ANKAR: variants seen among roughly 807,000 people sequenced by gnomAD.
ANKAR encodes ankyrin and armadillo repeat-containing protein.
A neutral mutation model predicts 146.2 loss-of-function variants in ANKAR; 136 were observed. The ratio of observed to expected loss-of-function variants is 0.93; its 90% CI spans 0.81 to 1.07. The LOEUF is 1.07. Among genes scored for constraint, ANKAR ranks in the 50% least tolerant of loss-of-function variants. ANKAR has a pLI of 0.00. For missense variants in ANKAR, 1,567 were observed against 1,679.9 expected (o/e 0.93, Z 1.18); for synonymous variants, 500 against 575.8 (o/e 0.87, Z 1.88).
rs574857437 is a variant in ANKAR, at chr2:189,677,677, T to C, written c.601+586T>C. The stretch of plus-strand genomic sequence containing the variant: ...GTATATATATTTTCTTTCTTTCTTT[T>C]TTTTTTTTTCTTTTTTGGAGATGGG... On this transcript the variant is annotated intron_variant, in intron 2 of 22. Transcript: ENST00000684021. 2.7e-4 allele frequency among the ~76,000 whole-genome samples: 41 copies of C among 151,816 alleles called. 1 individual carries two copies. Among genetic ancestry groups the C allele is most frequent in the Non-Finnish European group, 4.3e-4 (29 of 67,948 alleles).
intron 7 of ANKAR, among the ~76,000 whole-genome samples, chr2:189,703,134 TGTAGCTG>T (rs2038330117): frequency 6.6e-6 from 1 of 152,210 alleles, no homozygotes; most frequent in Non-Finnish European, 1.5e-5. Flanking sequence ...AGAAGGTAGT[TGTAGCTG>T]GTGCTTCAAG....
At position 189,706,939 on chromosome 2, in the gene ANKAR, A is replaced by C; in HGVS notation, c.1912A>C (p.Asn638His). ...ATTGTTATGTTTCTTAATTTTTAGG[A>C]ATCAGTGCACTCCACTGTTACTTGC... ...SLLEAEATAENQCTPLLLAAT... is the reference protein window; with the variant it reads ...SLLEAEATAEHQCTPLLLAAT... Residue 638 changes from asparagine (N) to histidine (H), a missense_variant and splice_region_variant, in exon 9 of 23, where the codon AAT becomes CAT. Transcript: ENST00000684021. 2 of 1,599,336 alleles carry C rather than the reference A, an allele frequency of 1.3e-6. No individual in the cohort carries two copies. Among genetic ancestry groups the C allele is most frequent in the Non-Finnish European group, 1.7e-6 (2 of 1,175,310 alleles).
At chr2:189,749,244 T>TTA (rs757098359), downstream of ANKAR, among the ~76,000 whole-genome samples, 3 of 63,254 alleles carry the variant, frequency 4.7e-5, no homozygotes, top group African/African-American at 1.3e-4. Context: ...AGACTCTGTC[T>TTA]AAAAAAAAAA....
chr2:189,699,568 T>TATGTCATTCATTTCATAA (rs550353669), intron 7 of ANKAR, among the ~76,000 whole-genome samples: 1 of 152,218 alleles, frequency 6.6e-6, no homozygotes, highest in African/African-American at 2.4e-5. Context: ...TAAGCATATA[T>TATGTCATTCATTTCATAA]ATGTCATTCA....
In ANKAR at chr2:189,700,232, G is replaced by A. The variant is rs559010661; in HGVS notation, c.1708+3863G>A. Among the ~76,000 whole-genome samples the A allele has an allele frequency of 4.6e-5, 7 of 152,144 alleles. No homozygotes were observed. The South Asian group carries it at 1.4e-3, about 31-fold the overall frequency. ...TCACTTTTGAAGGATAATCTTACAG[G>A]TTACAGAATTCTAGATTAGTGGTTC... On this transcript the variant is annotated intron_variant, in intron 7 of 22. Transcript: ENST00000684021.
Position 189,696,220 on chromosome 2 carries a change from A to G in ANKAR, c.1559A>G (p.Lys520Arg). 6.2e-7 allele frequency: 1 copy of G among 1,614,126 alleles called. No homozygotes were observed. The highest frequency in any genetic ancestry group is 1.7e-5 in the Admixed American group (1 of 60,020). Residue 520 changes from lysine to arginine, a missense_variant, in exon 7 of 23, where the codon AAA (lysine) becomes AGA (arginine). By Grantham distance (26) the Lys-to-Arg change is conservative. Transcript: ENST00000684021. ...GCAGTTTTCCACACATTTAGCCGTAAAACCTCAAGCTCAACAATCAATGTT... is the reference window on the plus strand; with the variant it reads ...GCAGTTTTCCACACATTTAGCCGTAGAACCTCAAGCTCAACAATCAATGTT... ...LSAVFHTFSR[K>R]TSSSTINVSD...
In ANKAR at chr2:189,715,857, A is replaced by T. The variant is rs566197357; in HGVS notation, c.2225-3715A>T. 2.3e-4 allele frequency among the ~76,000 whole-genome samples: 35 copies of T among 152,360 alleles called. No individual in the cohort carries two copies. In the East Asian group the frequency reaches 6.7e-3, roughly 29 times the overall value. On this transcript the variant is annotated intron_variant, in intron 10 of 22. Coordinates refer to ENST00000684021, the MANE Select transcript of ANKAR (RefSeq NM_001378068.1). ...AAAAACCACATGATTATCTCAATAG[A>T]TGCAGAAAAGGCCTTTGACAAAATT...
Position 189,693,173 on chromosome 2 carries a change from A to C in ANKAR, c.1303A>C (p.Lys435Gln). The change falls in exon 5 of 23, where the codon AAA becomes CAA. Residue 435 changes from lysine (K) to glutamine (Q), a missense_variant. Physicochemically the swap from Lys to Gln is moderately conservative, Grantham distance 53. Coordinates refer to ENST00000684021, the MANE Select transcript of ANKAR (RefSeq NM_001378068.1). ...YSIPVMEFHG[K>Q]SYYVIYFELE... ...AATACCAGTCATGGAATTTCATGGA[A>C]AAAGGTACGGAGCTTTCACTAATTA... 1 of 1,546,596 alleles carries C rather than the reference A, an allele frequency of 6.5e-7. No homozygotes were observed. Among genetic ancestry groups the C allele is most frequent in the Non-Finnish European group, 8.8e-7 (1 of 1,135,654 alleles).
chr2:189,702,358 A>G (rs964436326), intron 7 of ANKAR, among the ~76,000 whole-genome samples: 1 of 152,182 alleles, frequency 6.6e-6, no homozygotes, highest in Non-Finnish European at 1.5e-5. Context: ...GGGCCCCACT[A>G]TGATGGATCC....
rs1559065493 is a variant in ANKAR at position 189,689,727 on chromosome 2, T to TTA, written c.802_803insTA (p.Trp268LeufsTer7). On this transcript the variant is annotated frameshift_variant, in exon 3 of 23. Transcript: ENST00000684021. LOFTEE classifies it high-confidence loss of function. ...TGTCTTTATATTTGAAACAGGCTAT[T>TTA]GGCTTACTAATGCTATAAAATATAA... is the stretch of plus-strand genomic sequence containing the variant. 6.2e-7 allele frequency: 1 copy of TTA among 1,613,404 alleles called. No homozygotes were observed. The highest frequency in any genetic ancestry group is 8.5e-7 in the Non-Finnish European group (1 of 1,179,492).
At chr2:189,681,743 G>A (rs1161664455) in intron 2 of ANKAR, among the ~76,000 whole-genome samples, 1 of 152,142 alleles carries the variant, frequency 6.6e-6, no homozygotes, top group Non-Finnish European at 1.5e-5. Flanking sequence ...GGGGAGGGAG[G>A]TATTCAATGA....
intron 18 of ANKAR, among the ~76,000 whole-genome samples, chr2:189,756,243 T>C (rs1158315344): frequency 6.6e-6 from 1 of 152,210 alleles, no homozygotes. Flanking sequence ...TCAGAGTTTG[T>C]AATTTGGATT....
intron 3 of ANKAR, among the ~76,000 whole-genome samples, chr2:189,691,718 A>G (rs1444322206): frequency 6.7e-6 from 1 of 149,052 alleles, no homozygotes; most frequent in Non-Finnish European, 1.5e-5. Context: ...TGAGATATAT[A>G]TATATATAAT....
chr2:189,746,674 TTTTTTA>T (rs2044208440), downstream of ANKAR: 5 of 1,519,884 alleles, frequency 3.3e-6, no homozygotes, highest in Admixed American at 4.7e-5. Flanking sequence ...TTTTAAAAAT[TTTTTTA>T]TTTTTAATAA....
chr2:189,699,038 C>A (rs1361631036), intron 7 of ANKAR, among the ~76,000 whole-genome samples: 1 of 152,146 alleles, frequency 6.6e-6, no homozygotes, highest in Non-Finnish European at 1.5e-5. Context: ...GAATATAAAG[C>A]TCCATAAAGG....
chr2:189,696,011 C>T (rs2037144295), intron 6 of ANKAR, 139 bp from the exon 7 acceptor site: 5 of 668,142 alleles, frequency 7.5e-6, no homozygotes, highest in Non-Finnish European at 9.9e-6. Context: ...AAGAAACTTT[C>T]CATGCATGGA....
At chr2:189,761,148 A>C (rs2047006209) in exon 19 of ANKAR, 1 of 268,866 alleles carries the variant, frequency 3.7e-6, no homozygotes, top group Admixed American at 5.3e-5. Flanking sequence ...GGAGAAAAGA[A>C]GGAATGCATT....
chr2:189,703,963 T>G (rs1454314390), intron 7 of ANKAR, among the ~76,000 whole-genome samples: 1 of 152,078 alleles, frequency 6.6e-6, no homozygotes, highest in African/African-American at 2.4e-5. Flanking sequence ...CCTCTCTCCC[T>G]CAACACTTGG....
At chr2:189,696,416 T>C in intron 7 of ANKAR, 47 bp downstream of exon 7, 2 of 1,552,204 alleles carry the variant, frequency 1.3e-6, no homozygotes, top group Non-Finnish European at 1.8e-6. Context: ...TTATTTACCC[T>C]TACTCAGCAT....
Sources: gnomAD v4.1 joint callset for allele counts (sites outside exome capture counted in the v4.1 genomes callset) on GRCh38, gnomAD v4.1.1 for gene constraint, MANE v1.5 for transcripts, NCBI Gene and HGNC (gene_info 2026-07-23, HGNC 2026-07-21) for gene names.